SAMD4A: variants seen among roughly 807,000 people sequenced by gnomAD.
SAMD4A encodes protein Smaug homolog 1.
SAMD4A carries 33 observed loss-of-function variants against 81.3 expected under a neutral mutation model. The ratio of observed to expected loss-of-function variants is 0.41; its 90% confidence interval spans 0.31 to 0.54. The LOEUF (loss-of-function observed/expected upper bound fraction) is 0.54. SAMD4A is among the 20% of genes least tolerant of loss of function. The pLI is 0.37. For synonymous variants in SAMD4A, 389 were observed against 382.1 expected, an observed-to-expected ratio of 1.02 and a Z score of -0.21; for missense variants, 854 against 951.1, an observed-to-expected ratio of 0.90 and a Z score of 1.34.
intron 11 of SAMD4A, among the ~76,000 whole-genome samples, chr14:54,777,861 A>AAATATAACAAT (rs2038899252): frequency 6.6e-6 from 1 of 152,210 alleles, no homozygotes; most frequent in Non-Finnish European, 1.5e-5. Context: ...TTATGCACCA[A>AAATATAACAAT]AATATAACAA....
intron 2 of SAMD4A, among the ~76,000 whole-genome samples, chr14:54,657,070 G>A (rs2035537344): frequency 6.6e-6 from 1 of 151,990 alleles, no homozygotes; most frequent in Non-Finnish European, 1.5e-5. Flanking sequence ...GCCTTTTGTA[G>A]AAGGCATGCA....
chr14:54,566,946 G>A (rs1423285411), upstream of SAMD4A, among the ~76,000 whole-genome samples: 1 of 152,156 alleles, frequency 6.6e-6, no homozygotes, highest in East Asian at 1.9e-4. Flanking sequence ...GCTGCTCACG[G>A]CCTAAATCCA....
chr14:54,669,741 T>G (rs1401784132), intron 2 of SAMD4A, among the ~76,000 whole-genome samples: 1 of 152,228 alleles, frequency 6.6e-6, no homozygotes, highest in Non-Finnish European at 1.5e-5. Context: ...AAGTCTGTCT[T>G]AAACATATTG....
intron 2 of SAMD4A, among the ~76,000 whole-genome samples, chr14:54,670,027 G>A (rs1215592669): frequency 2.6e-5 from 4 of 152,162 alleles, no homozygotes; most frequent in African/African-American, 4.8e-5. Context: ...TTGTGGCCAC[G>A]TTGTGAACGC....
chr14:54,636,867 T>C (rs1051255387), intron 2 of SAMD4A, among the ~76,000 whole-genome samples: 2 of 152,134 alleles, frequency 1.3e-5, no homozygotes, highest in Non-Finnish European at 2.9e-5. Flanking sequence ...AGATATTGAT[T>C]ATACCTCCAA....
intron 2 of SAMD4A, among the ~76,000 whole-genome samples, chr14:54,669,952 G>C (rs1314768368): frequency 6.6e-6 from 1 of 152,104 alleles, no homozygotes; most frequent in Admixed American, 6.5e-5. Context: ...CAGCCCCCTG[G>C]GGTGAAAAGC....
chr14:54,775,734 T>C (rs1291319072), intron 10 of SAMD4A, among the ~76,000 whole-genome samples: 1 of 151,884 alleles, frequency 6.6e-6, no homozygotes, highest in African/African-American at 2.4e-5. Flanking sequence ...TGGGTAGGGA[T>C]TAGGATCAGA....
At chr14:54,675,803 CTG>C (rs146678795) in intron 2 of SAMD4A, among the ~76,000 whole-genome samples, 5,515 of 152,280 alleles carry the variant, frequency 0.036, 342 homozygotes, top group African/African-American at 0.13. Flanking sequence ...TTTTAATACT[CTG>C]TGGTTATGGG....
intron 2 of SAMD4A, among the ~76,000 whole-genome samples, chr14:54,698,740 G>C (rs1459480743): frequency 6.6e-6 from 1 of 152,176 alleles, no homozygotes; most frequent in East Asian, 1.9e-4. Flanking sequence ...TTGTCTTCCT[G>C]GTCCCACCAT....
At chr14:54,771,433 A>G (rs1347358922) in intron 9 of SAMD4A, among the ~76,000 whole-genome samples, 5 of 152,296 alleles carry the variant, frequency 3.3e-5, no homozygotes, top group South Asian at 2.1e-4. Flanking sequence ...TTTTAACCCT[A>G]TGGAAGCCAG....
chr14:54,626,347 C>G (rs1021305756), intron 2 of SAMD4A, among the ~76,000 whole-genome samples: 33 of 152,040 alleles, frequency 2.2e-4, no homozygotes, highest in Non-Finnish European at 5.9e-5. Flanking sequence ...GTAATTAGTT[C>G]TAATTTAGTG....
chr14:54,578,874 G>A (rs2033385270), intron 2 of SAMD4A, among the ~76,000 whole-genome samples: 1 of 152,138 alleles, frequency 6.6e-6, no homozygotes, highest in African/African-American at 2.4e-5. Flanking sequence ...CTAGATCACT[G>A]TGATGAGTAG....
chr14:54,586,252 T>C (rs1301847987), intron 2 of SAMD4A, among the ~76,000 whole-genome samples: 3 of 152,164 alleles, frequency 2.0e-5, no homozygotes, highest in Non-Finnish European at 4.4e-5. Flanking sequence ...TTCATGTCCT[T>C]AGCCCACTTT....
At chr14:54,628,616 G>A (rs2034822134) in intron 2 of SAMD4A, among the ~76,000 whole-genome samples, 1 of 152,164 alleles carries the variant, frequency 6.6e-6, no homozygotes, top group African/African-American at 2.4e-5. Flanking sequence ...ATCAACAATT[G>A]CTCATGTTGA....
Position 54,677,957 on chromosome 14 carries a change from G to A in SAMD4A, c.197-24105G>A, listed in dbSNP as rs1034218956. 3.9e-5 allele frequency among the ~76,000 whole-genome samples: 6 copies of A among 152,120 alleles called. No individual in the cohort carries two copies. The South Asian group carries it at 6.2e-4, about 16-fold the overall frequency. ...CATTCTGTCTGTCTGTCTATCAATC[G>A]TAAAGGAAAAGAAATATCTTTCTTT... On this transcript the variant is annotated intron_variant, in intron 2 of 12. Coordinates refer to ENST00000554335, the MANE Select transcript of SAMD4A (RefSeq NM_015589.6).
Position 54,709,997 on chromosome 14 carries a change from C to T in SAMD4A, c.715+7417C>T, listed in dbSNP as rs143602087. On this transcript the variant is annotated intron_variant, in intron 3 of 12. Coordinates refer to ENST00000554335, the MANE Select transcript of SAMD4A (RefSeq NM_015589.6). ...TGGTGGACCTGGACCTGGAAGAAAT[C>T]TCTGTGCTACAGCTACAAATGAAAC... 5.8e-3 allele frequency among the ~76,000 whole-genome samples: 890 copies of T among 152,316 alleles called. 11 individuals carry two copies. The highest frequency in any genetic ancestry group is 0.017 in the South Asian group (83 of 4,828).
At chr14:54,615,332 C>T in intron 2 of SAMD4A, among the ~76,000 whole-genome samples, 1 of 152,190 alleles carries the variant, frequency 6.6e-6, no homozygotes, top group East Asian at 1.9e-4. Flanking sequence ...TAAGTGATGA[C>T]ACTTAATTCT....
intron 2 of SAMD4A, among the ~76,000 whole-genome samples, chr14:54,698,825 C>A (rs1325313447): frequency 6.6e-6 from 1 of 152,192 alleles, no homozygotes; most frequent in African/African-American, 2.4e-5. Flanking sequence ...TATGCTTGTT[C>A]CTCCTCTGAA....
At position 54,634,694 on chromosome 14, in the gene SAMD4A, T is replaced by C. The variant is rs1594756927; in HGVS notation, c.196+66582T>C. Among the ~76,000 whole-genome samples, 3 of 151,760 alleles carry C rather than the reference T, an allele frequency of 2.0e-5. No homozygotes were observed. The South Asian group carries it at 6.3e-4, about 32-fold the overall frequency. On this transcript the variant is annotated intron_variant, in intron 2 of 12. Coordinates refer to ENST00000554335, the MANE Select transcript of SAMD4A (RefSeq NM_015589.6). ...CCAGTACCGGTCTGTGTCCCAGGGG[T>C]TGGGGACCCTCTATCTATCTATCTA...
Sources: allele counts gnomAD v4.1 joint callset (sites outside exome capture counted in the v4.1 genomes callset), GRCh38; gene constraint gnomAD v4.1.1; transcripts MANE v1.5; gene names NCBI Gene and HGNC (gene_info 2026-07-23, HGNC 2026-07-21).